The following TRIM39 variants were observed in gnomAD, a reference collection of about 807,000 sequenced individuals.
TRIM39 encodes tripartite motif containing 39, also known as E3 ubiquitin-protein ligase TRIM39.
TRIM39 carries 5 observed loss-of-function variants against 53.6 expected under a neutral mutation model. The ratio of observed to expected loss-of-function variants is 0.09; its 90% CI spans 0.05 to 0.20. The LOEUF is 0.20. Among genes scored for constraint, TRIM39 ranks in the 10% least tolerant of loss-of-function variants. The pLI is 1.00. For missense variants in TRIM39, 310 were observed against 621.0 expected, an observed-to-expected ratio of 0.50 and a Z score of 5.32; for synonymous variants, 196 against 237.6, an observed-to-expected ratio of 0.82 and a Z score of 1.61.
rs191858441 is a variant in TRIM39, at chr6:30,335,181, A to G, written c.550-564A>G. On this transcript the variant is annotated intron_variant, in intron 4 of 7. Transcript: ENST00000396551. This position sits in a 1 kb window ranked among gnomAD's most constrained non-coding sequence, Gnocchi z 4.7. ...TATATCCGCAGTGGTCTTCACTACC[A>G]AGTCATCAGTAGGGGGGTGATAGTG... 3.0e-3 allele frequency among the ~76,000 whole-genome samples: 463 copies of G among 152,344 alleles called. 2 individuals carry two copies. Among genetic ancestry groups the G allele is most frequent in the African/African-American group, 8.2e-3 (342 of 41,588 alleles).
rs541813800 is a variant in TRIM39, at chr6:30,340,255, A to G, written c.804-250A>G. On this transcript the variant is annotated intron_variant, in intron 6 of 7. Coordinates refer to ENST00000396551, the Ensembl canonical transcript of TRIM39. ...GGGAGAGCAGGGAGGGCAATCATCC[A>G]TTTGCATGAAATACAGGAATATTCC... The G allele has an allele frequency of 1.1e-5, 18 of 1,608,576 alleles. No individual in the cohort carries two copies. In the Admixed American group the frequency reaches 3.0e-4, roughly 27 times the overall value.
At chr6:30,334,067 A>G (rs1786559032) in intron 4 of TRIM39, among the ~76,000 whole-genome samples, 1 of 152,168 alleles carries the variant, frequency 6.6e-6, no homozygotes, top group African/African-American at 2.4e-5. Flanking sequence ...TCAGATGTAC[A>G]CTGAGAAGGC....
chr6:30,339,290 A>G lies in TRIM39; in HGVS notation c.781-618A>G, dbSNP rs1787224219. Reference sequence around the variant, plus strand: ...CAGCCTCCTGAGTAGCTGGGGTTACAGGCGCACACCACCACACCTGGCTAA... The same window carrying G: ...CAGCCTCCTGAGTAGCTGGGGTTACGGGCGCACACCACCACACCTGGCTAA... On this transcript the variant is annotated intron_variant, in intron 5 of 7. Coordinates refer to ENST00000396551, the Ensembl canonical transcript of TRIM39. The surrounding 1 kb of genome is among the most constrained non-coding windows in gnomAD (Gnocchi z 4.2). 6.6e-6 allele frequency among the ~76,000 whole-genome samples: 1 copy of G among 151,886 alleles called. No individual in the cohort carries two copies. Among genetic ancestry groups the G allele is most frequent in the Non-Finnish European group, 1.5e-5 (1 of 68,000 alleles).
chr6:30,329,256 G>GA (rs1351900917), intron 2 of TRIM39, 55 bp from the exon 3 acceptor site: 7 of 1,346,054 alleles, frequency 5.2e-6, no homozygotes, highest in Admixed American at 5.2e-5. Flanking sequence ...AAAAAAAAAA[G>GA]AAAAAACCTC....
At chr6:30,326,624 C>G (rs1159916935) in exon 1 of TRIM39, 1 of 152,520 alleles carries the variant, frequency 6.6e-6, no homozygotes, top group Non-Finnish European at 1.5e-5. Flanking sequence ...GGGCGCCAGT[C>G]CAGCGCCCTG....
rs578046998 is a variant in TRIM39, at chr6:30,335,080, A to C, written c.550-665A>C. On this transcript the variant is annotated intron_variant, in intron 4 of 7. Coordinates refer to ENST00000396551, the Ensembl canonical transcript of TRIM39. This position sits in a 1 kb window ranked among gnomAD's most constrained non-coding sequence, Gnocchi z 4.7. ...CTAGAACTTTACAGTTGATAATAAC[A>C]CAGATATCTCTGATATCTGTAATAG... Among the ~76,000 whole-genome samples the C allele has an allele frequency of 6.6e-6, 1 of 152,280 alleles. No individual in the cohort carries two copies. Among genetic ancestry groups the C allele is most frequent in the South Asian group, 2.1e-4 (1 of 4,834 alleles).
In TRIM39 at chr6:30,335,894, T is replaced by A; in HGVS notation, c.699T>A (p.Leu233=). ...GACTCCGAGAAAATGCTGCTCACCT[T>A]GGGGACAAGCGCCGGGACCTGGCCC... The change falls in exon 5 of 8, where the codon CTT becomes CTA. Residue 233 remains leucine (L), a synonymous_variant. Coordinates refer to ENST00000396551, the Ensembl canonical transcript of TRIM39. The surrounding 1 kb of genome is among the most constrained non-coding windows in gnomAD (Gnocchi z 4.7). 1 of 1,612,634 alleles carries A rather than the reference T, an allele frequency of 6.2e-7. No homozygotes were observed. The highest frequency in any genetic ancestry group is 8.5e-7 in the Non-Finnish European group (1 of 1,179,970).
At chr6:30,340,561 A>G (rs1269009279) in exon 7 of TRIM39, 1 of 1,613,110 alleles carries the variant, frequency 6.2e-7, no homozygotes, top group Non-Finnish European at 8.5e-7. Flanking sequence ...CTGGAAAAGA[A>G]CTTCAGCAAT....
exon 8 of TRIM39, chr6:30,341,721 C>T: frequency 6.2e-7 from 1 of 1,611,814 alleles, no homozygotes; most frequent in South Asian, 1.1e-5. Flanking sequence ...GCGGATGTGA[C>T]CCTGGACCCT....
At chr6:30,334,943 G>A (rs1786670358) in intron 4 of TRIM39, among the ~76,000 whole-genome samples, 1 of 151,982 alleles carries the variant, frequency 6.6e-6, no homozygotes, top group Admixed American at 6.6e-5. Context: ...TGTTTCCTAG[G>A]TTGGTCTTGG....
Position 30,342,424 on chromosome 6 carries a change from A to C in TRIM39, c.*165A>C. 5.7e-6 allele frequency: 4 copies of C among 700,542 alleles called. No homozygotes were observed. The South Asian group carries it at 7.5e-5, about 13-fold the overall frequency. The allele number at this position is 700,542 out of a possible 1,614,324, so 43.4% of individuals were successfully genotyped here. ...GGTTTTGTGTGGAGGGGGAGGTAGG[A>C]CTGGGCTGGATGAGAGAGCACAGCT... On this transcript the variant is annotated 3_prime_UTR_variant, in exon 8 of 8. Transcript: ENST00000396551. The surrounding 1 kb of genome is among the most constrained non-coding windows in gnomAD (Gnocchi z 4.7).
At chr6:30,336,979 C>T (rs181382707) in intron 5 of TRIM39, among the ~76,000 whole-genome samples, 3 of 152,302 alleles carry the variant, frequency 2.0e-5, no homozygotes, top group Admixed American at 6.5e-5. Flanking sequence ...GTTGTGTTAG[C>T]GGACGTGAAA....
chr6:30,336,019 G>GCTGAGGGGC (rs1786811421), intron 5 of TRIM39, 44 bp downstream of exon 5: 1 of 1,606,652 alleles, frequency 6.2e-7, no homozygotes, highest in African/African-American at 1.3e-5. Flanking sequence ...TGAGTGCAGC[G>GCTGAGGGGC]TAGCTTTGCG....
chr6:30,327,307 C>T (rs1313451143), intron 1 of TRIM39: 2 of 152,906 alleles, frequency 1.3e-5, no homozygotes, highest in African/African-American at 4.8e-5. Context: ...ACACCTCTTT[C>T]TCACCTGGAC....
rs1786682651 is a variant in TRIM39 at position 30,335,059 on chromosome 6, A to T, written c.550-686A>T. 6.6e-6 allele frequency among the ~76,000 whole-genome samples: 1 copy of T among 152,164 alleles called. No homozygotes were observed. Among genetic ancestry groups the T allele is most frequent in the African/African-American group, 2.4e-5 (1 of 41,428 alleles). ...TTTCTCGACAGATTGAATTAACTAG[A>T]ACTTTACAGTTGATAATAACACAGA... is the stretch of plus-strand genomic sequence containing the variant. On this transcript the variant is annotated intron_variant, in intron 4 of 7. Transcript: ENST00000396551. The surrounding 1 kb of genome is among the most constrained non-coding windows in gnomAD (Gnocchi z 4.7).
chr6:30,337,332 G>A (rs1245706328), intron 5 of TRIM39, among the ~76,000 whole-genome samples: 1 of 152,148 alleles, frequency 6.6e-6, no homozygotes, highest in Non-Finnish European at 1.5e-5. Flanking sequence ...TTGAACCCGA[G>A]AGGCAGAGGT....
exon 1 of TRIM39, chr6:30,326,511 G>A: frequency 6.6e-6 from 1 of 152,602 alleles, no homozygotes; most frequent in South Asian, 2.1e-4. Flanking sequence ...TCCACAAGCC[G>A]CCCCCGCCCC....
chr6:30,340,141 T>C (rs897433401), intron 6 of TRIM39: 12 of 1,077,616 alleles, frequency 1.1e-5, no homozygotes, highest in Non-Finnish European at 1.7e-5. Context: ...TCAGGACTTC[T>C]TGAGAAGGAG....
At chr6:30,331,297 A>AAAAAAAAAAAG (rs1562406038) in intron 4 of TRIM39, among the ~76,000 whole-genome samples, 11 of 150,150 alleles carry the variant, frequency 7.3e-5, no homozygotes, top group South Asian at 2.1e-4. Flanking sequence ...AACAAAAAAA[A>AAAAAAAAAAAG]AAAGAACAAT....
Sources: allele counts gnomAD v4.1 joint callset (sites outside exome capture counted in the v4.1 genomes callset), GRCh38; gene constraint gnomAD v4.1.1; non-coding constraint Gnocchi (gnomAD v3.1); transcripts MANE v1.5; gene names NCBI Gene and HGNC (gene_info 2026-07-23, HGNC 2026-07-21).